KCNAB1: variants seen among roughly 807,000 people sequenced by gnomAD.
KCNAB1 encodes potassium voltage-gated channel subfamily A regulatory beta subunit 1, also known as voltage-gated potassium channel subunit beta-1.
Under a neutral mutation model 64.6 loss-of-function variants are expected in KCNAB1, and 35 were observed. The ratio of observed to expected loss-of-function variants is 0.54; its 90% CI spans 0.41 to 0.72. The LOEUF is 0.72. KCNAB1 is among the 30% of genes least tolerant of loss of function. KCNAB1 has a pLI of 0.00. For missense variants in KCNAB1, 401 were observed against 512.9 expected, an observed-to-expected ratio of 0.78 and a Z score of 2.11; for synonymous variants, 177 against 183.8, an observed-to-expected ratio of 0.96 and a Z score of 0.30.
At chr3:156,249,311 C>G (rs1421952019) in intron 1 of KCNAB1, among the ~76,000 whole-genome samples, 2 of 151,964 alleles carry the variant, frequency 1.3e-5, no homozygotes, top group African/African-American at 4.8e-5. Flanking sequence ...GCCTGTAATC[C>G]CAGCACTTTG....
downstream of KCNAB1, chr3:156,539,038 AGT>A: frequency 6.6e-6 from 1 of 151,880 alleles, no homozygotes; most frequent in Non-Finnish European, 1.5e-5. Context: ...TTAGTTAGTT[AGT>A]TATGTCCTTA....
At chr3:156,297,676 A>C (rs1720889195) in intron 1 of KCNAB1, among the ~76,000 whole-genome samples, 1 of 152,042 alleles carries the variant, frequency 6.6e-6, no homozygotes, top group African/African-American at 2.4e-5. Context: ...TTTACCTCCC[A>C]CGAATGGTGG....
At chr3:156,166,340 C>T (rs1711558529) in intron 1 of KCNAB1, among the ~76,000 whole-genome samples, 1 of 152,086 alleles carries the variant, frequency 6.6e-6, no homozygotes, top group Non-Finnish European at 1.5e-5. Context: ...GTCTAGAAAT[C>T]TTATCTTTGA....
At chr3:156,403,086 G>T (rs1379566211) in intron 1 of KCNAB1, among the ~76,000 whole-genome samples, 1 of 152,204 alleles carries the variant, frequency 6.6e-6, no homozygotes, top group Non-Finnish European at 1.5e-5. Flanking sequence ...CTGATGGCGG[G>T]TGAGAAACCA....
chr3:156,467,484 T>C (rs1433909818), intron 7 of KCNAB1, among the ~76,000 whole-genome samples: 1 of 152,068 alleles, frequency 6.6e-6, no homozygotes, highest in Admixed American at 6.6e-5. Flanking sequence ...TCAAAATAGA[T>C]AAGGAAGCCA....
chr3:156,337,608 G>T (rs1723801364), intron 1 of KCNAB1, among the ~76,000 whole-genome samples: 2 of 152,180 alleles, frequency 1.3e-5, no homozygotes, highest in African/African-American at 4.8e-5. Flanking sequence ...GTGTGTGGTT[G>T]ATAGTACATT....
rs750454709 is a variant in KCNAB1 at position 156,536,656 on chromosome 3, A to G, written c.1171-2A>G. 6.2e-7 allele frequency: 1 copy of G among 1,602,922 alleles called. No individual in the cohort carries two copies. Among genetic ancestry groups the G allele is most frequent in the Non-Finnish European group, 8.5e-7 (1 of 1,169,732 alleles). On this transcript the variant is annotated splice_acceptor_variant, in intron 13 of 13. Transcript: ENST00000490337. LOFTEE classifies it high-confidence loss of function. ...CCTTTGTACTTCTCCTCCTGCTCTC[A>G]GGTTCTCCCAAAGATGACATCACAT...
intron 1 of KCNAB1, among the ~76,000 whole-genome samples, chr3:156,229,859 GT>G (rs879902397): frequency 3.2e-4 from 47 of 147,076 alleles, no homozygotes; most frequent in Middle Eastern, 3.5e-3. Context: ...AATTTAAAAA[GT>G]TTTTTTTTTT....
chr3:156,440,749 T>C (rs11928395), intron 2 of KCNAB1, among the ~76,000 whole-genome samples: 2,750 of 152,278 alleles, frequency 0.018, 68 homozygotes, highest in East Asian at 0.1. Flanking sequence ...GAAAAGGACA[T>C]TACAGATTTT....
intron 1 of KCNAB1, among the ~76,000 whole-genome samples, chr3:156,165,386 A>G (rs1264033833): frequency 6.6e-6 from 1 of 151,642 alleles, no homozygotes; most frequent in African/African-American, 2.4e-5. Context: ...CTGCTAACTG[A>G]CGGACCCAGG....
At chr3:156,255,614 T>G (rs1175271815) in intron 1 of KCNAB1, among the ~76,000 whole-genome samples, 1 of 152,220 alleles carries the variant, frequency 6.6e-6, no homozygotes, top group Non-Finnish European at 1.5e-5. Context: ...CAGTACTTCA[T>G]GTATCCATGT....
At chr3:156,228,967 T>C (rs1402365439) in intron 1 of KCNAB1, among the ~76,000 whole-genome samples, 1 of 152,154 alleles carries the variant, frequency 6.6e-6, no homozygotes, top group Non-Finnish European at 1.5e-5. Flanking sequence ...GGTGTTGTTC[T>C]AGTGTGGAGT....
chr3:156,491,954 G>C (rs1285280146), intron 8 of KCNAB1, among the ~76,000 whole-genome samples: 2 of 152,056 alleles, frequency 1.3e-5, no homozygotes, highest in African/African-American at 4.8e-5. Context: ...AATGTAATTT[G>C]GCTAAATTTA....
At chr3:156,140,050 A>AG (rs376585152) in intron 1 of KCNAB1, among the ~76,000 whole-genome samples, 14 of 152,236 alleles carry the variant, frequency 9.2e-5, no homozygotes, top group African/African-American at 3.4e-4. Context: ...TTATCTAAAA[A>AG]GAAGGGAAGA....
At chr3:156,332,284 T>A (rs1027042782) in intron 1 of KCNAB1, among the ~76,000 whole-genome samples, 1 of 152,146 alleles carries the variant, frequency 6.6e-6, no homozygotes, top group Non-Finnish European at 1.5e-5. Flanking sequence ...GCATAAATAG[T>A]TTGATGCCCA....
chr3:156,176,818 C>T (rs1414131475), intron 1 of KCNAB1: 1 of 898,320 alleles, frequency 1.1e-6, no homozygotes. Flanking sequence ...GCTCCAGGGC[C>T]CGATCCCGCC....
chr3:156,119,831 C>G (rs1713238204), upstream of KCNAB1, among the ~76,000 whole-genome samples: 1 of 152,158 alleles, frequency 6.6e-6, no homozygotes, highest in African/African-American at 2.4e-5. Flanking sequence ...GTACACTGGG[C>G]ACACACATAC....
chr3:156,454,694 G>A (rs1437967012), intron 3 of KCNAB1, among the ~76,000 whole-genome samples: 1 of 152,156 alleles, frequency 6.6e-6, no homozygotes, highest in Non-Finnish European at 1.5e-5. Context: ...ATACAAAATA[G>A]GTGGCAAGCA....
intron 1 of KCNAB1, among the ~76,000 whole-genome samples, chr3:156,389,350 T>C (rs544439385): frequency 1.3e-5 from 2 of 152,348 alleles, no homozygotes; most frequent in South Asian, 4.1e-4. Flanking sequence ...CCTTGGCTCC[T>C]TTTGCCTCCT....
Sources: allele counts gnomAD v4.1 joint callset (sites outside exome capture counted in the v4.1 genomes callset), GRCh38; gene constraint gnomAD v4.1.1; transcripts MANE v1.5; gene names NCBI Gene and HGNC (gene_info 2026-07-23, HGNC 2026-07-21).